Variants in FGR observed in about 807,000 individuals in gnomAD.
FGR encodes the protein tyrosine-protein kinase Fgr.
A neutral mutation model predicts 63.2 loss-of-function variants in FGR; 26 were observed. That is an observed-to-expected ratio of 0.41 (90% CI 0.30 to 0.57). The LOEUF (loss-of-function observed/expected upper bound fraction) is 0.57. Among genes scored for constraint, FGR ranks in the 20% least tolerant of loss-of-function variants. FGR has a pLI of 0.27. For missense variants in FGR, 511 were observed against 690.8 expected, an observed-to-expected ratio of 0.74 and a Z score of 2.92; for synonymous variants, 286 against 277.7, an observed-to-expected ratio of 1.03 and a Z score of -0.30.
chr1:27,613,177 G>A lies in FGR; in HGVS notation c.1381+42C>T, dbSNP rs192918984. On this transcript the variant is annotated intron_variant, in intron 12 of 12. Transcript: ENST00000374005. The stretch of plus-strand genomic sequence containing the variant: ...GACAGCCAGGTGGAAGCCCTTCCCC[G>A]TGACCATCCCCCACCCCAGCCCTAC... 232 of 1,609,860 alleles carry A rather than the reference G, an allele frequency of 1.4e-4. 1 individual carries two copies. The East Asian group carries it at 3.5e-3, about 24-fold the overall frequency.
rs1388855750 is a variant in FGR at position 27,615,370 on chromosome 1, AC to A, written c.1018+63del. 2 of 1,534,122 alleles carry A rather than the reference AC, an allele frequency of 1.3e-6. No homozygotes were observed. The highest frequency in any genetic ancestry group is 2.7e-5 in the African/African-American group (2 of 73,520). On this transcript the variant is annotated intron_variant, in intron 9 of 12. Transcript: ENST00000374005. The surrounding 1 kb of genome is among the most constrained non-coding windows in gnomAD (Gnocchi z 7.6). ...CCTCACAGATCGCGTCCCAGGTCCC[AC>A]GCCTGAAAACTCCCCTCTTAACTTC...
intron 5 of FGR, among the ~76,000 whole-genome samples, chr1:27,618,160 G>C (rs2089849197): frequency 6.6e-6 from 1 of 152,156 alleles, no homozygotes; most frequent in Non-Finnish European, 1.5e-5. Flanking sequence ...ACAGGGGAAG[G>C]CATTGGCAAG....
chr1:27,614,644 TTGAGGGG>T, intron 10 of FGR, 61 bp from the exon 11 acceptor site: 1 of 1,586,198 alleles, frequency 6.3e-7, no homozygotes, highest in Non-Finnish European at 8.6e-7. Context: ...CGTGGCCTGT[TTGAGGGG>T]TGAGGGACCA....
intron 1 of FGR, among the ~76,000 whole-genome samples, chr1:27,631,333 C>T (rs75794099): frequency 0.062 from 9,481 of 152,244 alleles, 429 homozygotes; most frequent in South Asian, 0.12. Flanking sequence ...CCACTCACCC[C>T]TACTGCTGGA....
chr1:27,623,434 G>A, intron 3 of FGR: 1 of 599,996 alleles, frequency 1.7e-6, no homozygotes. Context: ...AGGGCAAGAA[G>A]TTTCTCTTTG....
chr1:27,633,542 G>A (rs977945775), intron 1 of FGR, among the ~76,000 whole-genome samples: 8 of 152,132 alleles, frequency 5.3e-5, no homozygotes, highest in African/African-American at 1.4e-4. Flanking sequence ...AGTGAGAGCC[G>A]GGCAGTCTGG....
At chr1:27,633,067 A>G (rs1387340561) in intron 1 of FGR, among the ~76,000 whole-genome samples, 5 of 152,116 alleles carry the variant, frequency 3.3e-5, no homozygotes, top group Non-Finnish European at 5.9e-5. Flanking sequence ...CCCAAAACAT[A>G]CAAACACTCA....
intron 1 of FGR, among the ~76,000 whole-genome samples, chr1:27,628,099 C>T (rs575027370): frequency 6.1e-5 from 9 of 146,806 alleles, no homozygotes; most frequent in African/African-American, 2.0e-4. Flanking sequence ...ACAAAAAATA[C>T]AAAAATTGGC....
intron 5 of FGR, among the ~76,000 whole-genome samples, chr1:27,621,052 A>G (rs1338391308): frequency 6.8e-6 from 1 of 147,388 alleles, no homozygotes; most frequent in Non-Finnish European, 1.5e-5. Flanking sequence ...GAAAAACAAA[A>G]AGAAAAAGAA....
In FGR at chr1:27,617,392, C is replaced by CCATTTTACA; in HGVS notation, c.429-97_429-96insTGTAAAATG. On this transcript the variant is annotated intron_variant, in intron 5 of 12. Transcript: ENST00000374005. The surrounding 1 kb of genome is among the most constrained non-coding windows in gnomAD (Gnocchi z 4.5). ...CTCACAAGCCAAGACTCCATTTTCC[C>CCATTTTACA]CATGTGTAAAATGGGGCTGGTACAC... The CCATTTTACA allele has an allele frequency of 2.3e-6, 2 of 864,550 alleles. No homozygotes were observed. Among genetic ancestry groups the CCATTTTACA allele is most frequent in the Non-Finnish European group, 3.8e-6 (2 of 522,428 alleles). 53.6% of individuals were successfully genotyped at this position (864,550 alleles called of 1,614,324 possible).
chr1:27,629,013 T>C (rs897745562), intron 1 of FGR, among the ~76,000 whole-genome samples: 6 of 152,094 alleles, frequency 3.9e-5, no homozygotes, highest in African/African-American at 1.4e-4. Flanking sequence ...GCCATGTTCA[T>C]GCTGTTTTGT....
Position 27,623,530 on chromosome 1 carries a change from G to A in FGR, c.226+161C>T, listed in dbSNP as rs143816707. On this transcript the variant is annotated intron_variant, in intron 3 of 12. Transcript: ENST00000374005. ...TCCCCTGCAGACTGTGGTTTCTGAT[G>A]GGAGGGCTGTACAGACTCCCTCAGC... 551 of 753,796 alleles carry A rather than the reference G, an allele frequency of 7.3e-4. 1 individual carries two copies. The African/African-American group carries it at 8.9e-3, about 12-fold the overall frequency. The allele number at this position is 753,796 out of a possible 1,614,324, so 46.7% of individuals were successfully genotyped here. A position where few individuals can be genotyped will look rare whatever the true frequency, so the allele number is the denominator to read the frequency against.
At chr1:27,623,665 T>C in intron 3 of FGR, 26 bp downstream of exon 3, 1 of 1,608,520 alleles carries the variant, frequency 6.2e-7, no homozygotes, top group East Asian at 2.2e-5. Flanking sequence ...TCCAGGCAGC[T>C]CCTGCCTCCG....
At position 27,613,388 on chromosome 1, in the gene FGR, G is replaced by A. The variant is rs766452474; in HGVS notation, c.1250-38C>T. 1.0e-5 allele frequency: 16 copies of A among 1,607,152 alleles called. No individual in the cohort carries two copies. The South Asian group carries it at 1.7e-4, about 17-fold the overall frequency. On this transcript the variant is annotated intron_variant, in intron 11 of 12. Transcript: ENST00000374005. ...GGGGAGCAGGGAAAGTTAGTGAGGG[G>A]GTCCCTGGAAACAGCTGGATTAAGA...
In FGR at chr1:27,614,892, GC is replaced by G; in HGVS notation, c.1052del (p.Gly351AlafsTer4). On this transcript the variant is annotated frameshift_variant, in exon 10 of 13. Transcript: ENST00000374005. LOFTEE classifies it high-confidence loss of function. The stretch of plus-strand genomic sequence containing the variant: ...CCAATTGGGGCAGCCTCAAATCCTG[GC>G]CCTCTGGGTTCTTGAGAAAATCCAG... ...SLLDFLKNPE[G>X]QDLRLPQLVD... 1 of 1,599,714 alleles carries G rather than the reference GC, an allele frequency of 6.3e-7. No individual in the cohort carries two copies. The highest frequency in any genetic ancestry group is 8.5e-7 in the Non-Finnish European group (1 of 1,172,012).
At chr1:27,613,169 C>G (rs1571374811) in intron 12 of FGR, 47 bp from the exon 13 acceptor site, 1 of 1,610,136 alleles carries the variant, frequency 6.2e-7, no homozygotes. Context: ...AGGTGGAAGC[C>G]CTTCCCCGTG....
In FGR at chr1:27,617,224, G is replaced by A. The variant is rs772204022; in HGVS notation, c.501C>T (p.Ala167=). ...QLLSPGNPQG[A]FLIRESETTK... ...TGGTCTCGCTTTCCCGAATGAGAAA[G>A]GCCCCCTGGGGGTTGCCTGGTGAAA... The change falls in exon 6 of 13, where the codon GCC becomes GCT. Residue 167 remains alanine, a synonymous_variant. Transcript: ENST00000374005. This position sits in a 1 kb window ranked among gnomAD's most constrained non-coding sequence, Gnocchi z 4.5. 2 of 1,614,182 alleles carry A rather than the reference G, an allele frequency of 1.2e-6. No homozygotes were observed. Among genetic ancestry groups the A allele is most frequent in the African/African-American group, 1.3e-5 (1 of 75,058 alleles).
rs1428530305 is a variant in FGR at position 27,617,592 on chromosome 1, C to T, written c.429-296G>A. ...AGCCTCAGTTCATCTCACTGTAGCC[C>T]TTCTGTGCACTCATTTTACAGATGA... On this transcript the variant is annotated intron_variant, in intron 5 of 12. Coordinates refer to ENST00000374005, the MANE Select transcript of FGR (RefSeq NM_005248.3). The surrounding 1 kb of genome is among the most constrained non-coding windows in gnomAD (Gnocchi z 4.5). Among the ~76,000 whole-genome samples the T allele has an allele frequency of 1.3e-5, 2 of 152,182 alleles. No individual in the cohort carries two copies. Among genetic ancestry groups the T allele is most frequent in the Non-Finnish European group, 2.9e-5 (2 of 68,034 alleles).
In FGR at chr1:27,615,800, T is replaced by A. The variant is rs1437330152; in HGVS notation, c.727A>T (p.Ile243Phe). The stretch of plus-strand genomic sequence containing the variant: ...AGGCCCAGCGTCTGCGGCTTCATGA[T>A]GGTGCAGGGCGCGATGAGCAGGTTG... The part of the protein sequence containing the change: ...LCNLLIAPCT[I>F]MKPQTLGLAK... The change falls in exon 8 of 13, where the codon ATC becomes TTC. Residue 243 changes from isoleucine (I) to phenylalanine (F), a missense_variant. By Grantham distance (21) the Ile-to-Phe change is conservative. Transcript: ENST00000374005. The surrounding 1 kb of genome is among the most constrained non-coding windows in gnomAD (Gnocchi z 7.6). 1 of 1,600,548 alleles carries A rather than the reference T, an allele frequency of 6.2e-7. No individual in the cohort carries two copies. The highest frequency in any genetic ancestry group is 1.3e-5 in the African/African-American group (1 of 74,540).
Sources: gnomAD v4.1 joint callset for allele counts (sites outside exome capture counted in the v4.1 genomes callset) on GRCh38, gnomAD v4.1.1 for gene constraint, Gnocchi (gnomAD v3.1) non-coding constraint, MANE v1.5 for transcripts, NCBI Gene and HGNC (gene_info 2026-07-23, HGNC 2026-07-21) for gene names.